The following RGS22 variants were observed in gnomAD, a reference collection of about 807,000 sequenced individuals.
RGS22 encodes the protein regulator of G-protein signaling 22.
RGS22 carries 148 observed loss-of-function variants against 172.9 expected under a neutral mutation model. The observed-to-expected ratio is 0.86, with a 90% confidence interval of 0.75 to 0.98. RGS22 has a LOEUF of 0.98. RGS22 is among the 50% of genes least tolerant of loss of function. RGS22 has a pLI of 0.00. For synonymous variants in RGS22, 458 were observed against 480.2 expected (o/e 0.95, Z 0.60); for missense variants, 1,347 against 1,440.8 (o/e 0.93, Z 1.05).
At chr8:99,999,556 T>C in intron 18 of RGS22, 136 bp from the exon 19 acceptor site, 1 of 775,578 alleles carries the variant, frequency 1.3e-6, no homozygotes, top group East Asian at 2.7e-5. Context: ...GTATAACATC[T>C]CCTGGCTATA....
At position 99,999,316 on chromosome 8, in the gene RGS22, T is replaced by C; in HGVS notation, c.2895A>G (p.Val965=). Residue 965 remains valine (V), a synonymous_variant, in exon 19 of 28, where the codon GTA becomes GTG. Coordinates refer to ENST00000360863, the MANE Select transcript of RGS22 (RefSeq NM_015668.5). The part of the protein sequence containing the change: ...QKHVQNRLEN[V]WLPLFLASEQ... ...CACTTGCAAGAAACAATGGCAGCCA[T>C]ACATTTTCTAGCCTATTTTGCACAT... 6.2e-7 allele frequency: 1 copy of C among 1,614,010 alleles called. No homozygotes were observed. Among genetic ancestry groups the C allele is most frequent in the Non-Finnish European group, 8.5e-7 (1 of 1,179,962 alleles).
At chr8:100,052,775 A>T (rs540208162) in intron 10 of RGS22, 27 bp downstream of exon 10, 8 of 1,599,844 alleles carry the variant, frequency 5.0e-6, no homozygotes, top group Non-Finnish European at 6.8e-6. Flanking sequence ...AACTTAGTAG[A>T]GATCACAGCA....
chr8:99,989,469 G>A (rs1177461311), intron 20 of RGS22, among the ~76,000 whole-genome samples: 1 of 151,958 alleles, frequency 6.6e-6, no homozygotes, highest in Non-Finnish European at 1.5e-5. Flanking sequence ...GATTTTTTAT[G>A]TATGCTCCTG....
chr8:100,088,296 A>T (rs2131961470), intron 3 of RGS22, among the ~76,000 whole-genome samples: 1 of 152,316 alleles, frequency 6.6e-6, no homozygotes, highest in African/African-American at 2.4e-5. Flanking sequence ...GAGGGTATAG[A>T]ACAGGCCACC....
intron 22 of RGS22, 77 bp downstream of exon 22, chr8:99,981,860 C>T (rs1812587534): frequency 2.2e-6 from 3 of 1,384,404 alleles, no homozygotes; most frequent in Admixed American, 2.3e-5. Context: ...CCACGCCTGG[C>T]CCAAAAGGAT....
chr8:99,964,793 C>A (rs781655954), intron 24 of RGS22, among the ~76,000 whole-genome samples: 1 of 152,094 alleles, frequency 6.6e-6, no homozygotes, highest in Non-Finnish European at 1.5e-5. Flanking sequence ...CTCTAAGGTA[C>A]AAATGCTTTC....
intron 14 of RGS22, among the ~76,000 whole-genome samples, chr8:100,029,276 T>C (rs559448831): frequency 1.3e-5 from 2 of 152,322 alleles, no homozygotes; most frequent in African/African-American, 4.8e-5. Context: ...AATCCTGACC[T>C]ACATAAACTA....
Position 100,006,119 on chromosome 8 carries a change from A to G in RGS22, c.2362-10T>C, listed in dbSNP as rs774905087. 3 of 1,604,188 alleles carry G rather than the reference A, an allele frequency of 1.9e-6. No individual in the cohort carries two copies. Among genetic ancestry groups the G allele is most frequent in the Non-Finnish European group, 2.6e-6 (3 of 1,173,132 alleles). On this transcript the variant is annotated splice_polypyrimidine_tract_variant and intron_variant, in intron 15 of 27. Coordinates refer to ENST00000360863, the MANE Select transcript of RGS22 (RefSeq NM_015668.5). ...CTTCCACCAGCTCCACCTAAAAAAA[A>G]TAAATAAAGCTTGTGACATCAAGAG...
Position 100,008,408 on chromosome 8 carries a change from C to G in RGS22, c.2328G>C (p.Lys776Asn). Residue 776 changes from lysine to asparagine, a missense_variant, in exon 15 of 28, where the codon AAG becomes AAC. Physicochemically the swap from Lys to Asn is moderately conservative, Grantham distance 94. Coordinates refer to ENST00000360863, the MANE Select transcript of RGS22 (RefSeq NM_015668.5). Reference protein sequence around the residue: ...ILLLLLEPWTKMVKSDQIAYK... With the variant: ...ILLLLLEPWTNMVKSDQIAYK... ...AAGCAATTTGGTCCGATTTTACCAT[C>G]TTTGTCCATGGCTCAAGAAGGAGGA... is the stretch of plus-strand genomic sequence containing the variant. 6.2e-7 allele frequency: 1 copy of G among 1,611,720 alleles called. No homozygotes were observed. The highest frequency in any genetic ancestry group is 8.5e-7 in the Non-Finnish European group (1 of 1,179,592).
At chr8:100,032,003 AACTCCT>A (rs1327269698) in intron 14 of RGS22, among the ~76,000 whole-genome samples, 13 of 152,178 alleles carry the variant, frequency 8.5e-5, no homozygotes, top group Admixed American at 3.9e-4. Flanking sequence ...GCCTTACAAG[AACTCCT>A]GAAGGAAGCA....
chr8:100,075,496 C>T (rs1004806795), intron 4 of RGS22, among the ~76,000 whole-genome samples: 5 of 152,178 alleles, frequency 3.3e-5, no homozygotes, highest in Non-Finnish European at 7.4e-5. Flanking sequence ...CCAAATAAAC[C>T]TCTTTCTTTA....
chr8:99,996,556 C>A, intron 19 of RGS22, 26 bp from the exon 20 acceptor site: 1 of 1,579,860 alleles, frequency 6.3e-7, no homozygotes. Context: ...ATTATTTTAT[C>A]CCAGTTATTC....
intron 23 of RGS22, among the ~76,000 whole-genome samples, chr8:99,970,311 C>T (rs1160092891): frequency 6.6e-6 from 1 of 151,974 alleles, no homozygotes; most frequent in Non-Finnish European, 1.5e-5. Context: ...CCTAACATCA[C>T]AATTAAAAGA....
chr8:100,052,491 C>T (rs555389952), intron 10 of RGS22, among the ~76,000 whole-genome samples: 8 of 151,382 alleles, frequency 5.3e-5, no homozygotes, highest in Non-Finnish European at 1.0e-4. Flanking sequence ...TTAGTAGAGA[C>T]GGGGTTTCAC....
chr8:100,013,519 A>G (rs1034358177), intron 14 of RGS22, among the ~76,000 whole-genome samples: 7 of 152,182 alleles, frequency 4.6e-5, no homozygotes, highest in Admixed American at 1.3e-4. Flanking sequence ...GTCTACTACT[A>G]TATCTATACT....
intron 14 of RGS22, among the ~76,000 whole-genome samples, chr8:100,009,197 C>T (rs535800629): frequency 3.3e-5 from 5 of 152,208 alleles, no homozygotes; most frequent in South Asian, 2.1e-4. Context: ...GCGGGTGGAT[C>T]GCTTGAGGTC....
intron 3 of RGS22, among the ~76,000 whole-genome samples, chr8:100,083,394 A>G (rs1811907801): frequency 6.6e-6 from 1 of 152,130 alleles, no homozygotes. Flanking sequence ...TTTGAGACTG[A>G]GTCTTGCTCT....
intron 14 of RGS22, among the ~76,000 whole-genome samples, chr8:100,013,380 T>C (rs937416816): frequency 6.6e-6 from 1 of 152,136 alleles, no homozygotes; most frequent in Non-Finnish European, 1.5e-5. Context: ...CTGTTAGGAT[T>C]GTCAGCCTTT....
chr8:100,092,324 T>C (rs1268794892), intron 3 of RGS22, among the ~76,000 whole-genome samples: 1 of 152,200 alleles, frequency 6.6e-6, no homozygotes, highest in Non-Finnish European at 1.5e-5. Context: ...TAGGTCTTTT[T>C]ATGACCCCTC....
Sources: gnomAD v4.1 joint callset for allele counts (sites outside exome capture counted in the v4.1 genomes callset) on GRCh38, gnomAD v4.1.1 for gene constraint, MANE v1.5 for transcripts, NCBI Gene and HGNC (gene_info 2026-07-23, HGNC 2026-07-21) for gene names.